The following GRB10 variants were observed in gnomAD, a reference collection of about 807,000 sequenced individuals.
GRB10 encodes the protein growth factor receptor-bound protein 10.
GRB10 carries 20 observed loss-of-function variants against 80.9 expected under a neutral mutation model. The observed-to-expected ratio is 0.25, with a 90% CI of 0.17 to 0.36. The LOEUF (loss-of-function observed/expected upper bound fraction) is 0.36, where lower values mean the gene tolerates loss of function less well. GRB10 is among the 10% of genes least tolerant of loss of function. The pLI is 1.00. For synonymous variants in GRB10, 291 were observed against 291.5 expected (o/e 1.00, Z 0.02); for missense variants, 548 against 747.7 (o/e 0.73, Z 3.12).
chr7:50,645,692 GTCC>G, intron 7 of GRB10: 1 of 870,706 alleles, frequency 1.1e-6, no homozygotes, highest in Non-Finnish European at 1.4e-6. Flanking sequence ...CTTGGGGTCT[GTCC>G]ATTTGCTCCC....
Position 50,664,431 on chromosome 7 carries a change from G to A in GRB10, c.504+5291C>T, listed in dbSNP as rs115284366. Reference sequence around the variant, plus strand: ...AGGGAGACAGTCACCAGGCCGTGGCGGGGGGCCAGCCCACCTGCCAGGGTC... The same window carrying A: ...AGGGAGACAGTCACCAGGCCGTGGCAGGGGGCCAGCCCACCTGCCAGGGTC... On this transcript the variant is annotated intron_variant, in intron 7 of 18. Transcript: ENST00000401949. Among the ~76,000 whole-genome samples, 25 of 152,270 alleles carry A rather than the reference G, an allele frequency of 1.6e-4. 1 individual carries two copies. Among genetic ancestry groups the A allele is most frequent in the African/African-American group, 4.6e-4 (19 of 41,566 alleles).
At chr7:50,637,669 T>G (rs1397494788) in intron 7 of GRB10, among the ~76,000 whole-genome samples, 1 of 151,650 alleles carries the variant, frequency 6.6e-6, no homozygotes, top group Non-Finnish European at 1.5e-5. Flanking sequence ...AAATTTCCAA[T>G]GTCATTCTTC....
intron 4 of GRB10, among the ~76,000 whole-genome samples, chr7:50,730,233 A>G (rs1287382089): frequency 6.6e-6 from 1 of 152,190 alleles, no homozygotes; most frequent in Non-Finnish European, 1.5e-5. Flanking sequence ...GGATGATTAA[A>G]TGCATACAGT....
At chr7:50,706,301 T>C (rs926886876) in intron 4 of GRB10, among the ~76,000 whole-genome samples, 8 of 152,220 alleles carry the variant, frequency 5.3e-5, no homozygotes, top group African/African-American at 1.9e-4. Context: ...ACTACTCTAG[T>C]AGACACTCTG....
At position 50,664,115 on chromosome 7, in the gene GRB10, C is replaced by T. The variant is rs184510438; in HGVS notation, c.504+5607G>A. Reference sequence around the variant, plus strand: ...CCCTCTTCCCTAGCGTGGACACCGACGCTCAGTCTTGCCTCGAGGAGCTAC... The same window carrying T: ...CCCTCTTCCCTAGCGTGGACACCGATGCTCAGTCTTGCCTCGAGGAGCTAC... On this transcript the variant is annotated intron_variant, in intron 7 of 18. Transcript: ENST00000401949. 1.8e-4 allele frequency among the ~76,000 whole-genome samples: 28 copies of T among 152,326 alleles called. 1 individual carries two copies. The highest frequency in any genetic ancestry group is 1.0e-3 in the South Asian group (5 of 4,816).
At chr7:50,654,272 C>A (rs978575345) in intron 7 of GRB10, among the ~76,000 whole-genome samples, 1 of 152,216 alleles carries the variant, frequency 6.6e-6, no homozygotes, top group African/African-American at 2.4e-5. Context: ...GAGTGTTTCC[C>A]ATGGCCAACA....
At chr7:50,634,087 T>A (rs2054502421) in intron 7 of GRB10, among the ~76,000 whole-genome samples, 1 of 152,284 alleles carries the variant, frequency 6.6e-6, no homozygotes, top group East Asian at 1.9e-4. Flanking sequence ...AGAATGGTCA[T>A]CAGATTAATT....
At chr7:50,674,120 C>T (rs569432051) in intron 6 of GRB10, among the ~76,000 whole-genome samples, 2 of 152,230 alleles carry the variant, frequency 1.3e-5, no homozygotes, top group African/African-American at 2.4e-5. Context: ...AGCTCCATGG[C>T]TGTTCTTCCA....
At chr7:50,612,882 G>T in intron 12 of GRB10, 43 bp from the exon 13 acceptor site, 1 of 1,307,416 alleles carries the variant, frequency 7.6e-7, no homozygotes, top group Non-Finnish European at 1.1e-6. Flanking sequence ...TACACAGGGA[G>T]TCAGAAACAG....
At chr7:50,764,258 T>C (rs772535110) in intron 2 of GRB10, among the ~76,000 whole-genome samples, 1 of 152,196 alleles carries the variant, frequency 6.6e-6, no homozygotes, top group African/African-American at 2.4e-5. Context: ...CCTCTCCACA[T>C]GGGTCTATAG....
intron 12 of GRB10, among the ~76,000 whole-genome samples, chr7:50,614,030 A>C (rs2050065167): frequency 6.6e-6 from 1 of 152,206 alleles, no homozygotes; most frequent in African/African-American, 2.4e-5. Context: ...CTGTCAGTGG[A>C]ACATATCATG....
At chr7:50,648,343 C>A (rs184331234) in intron 7 of GRB10, among the ~76,000 whole-genome samples, 14 of 152,162 alleles carry the variant, frequency 9.2e-5, no homozygotes, top group East Asian at 7.8e-4. Context: ...GTGGATGCCA[C>A]CCTGATGGGA....
At chr7:50,660,703 C>T (rs1434139705) in intron 7 of GRB10, among the ~76,000 whole-genome samples, 1 of 152,122 alleles carries the variant, frequency 6.6e-6, no homozygotes, top group Non-Finnish European at 1.5e-5. Context: ...GTTAGAGATG[C>T]AGGTGTGAGG....
chr7:50,725,427 C>T (rs1386413518), intron 4 of GRB10, among the ~76,000 whole-genome samples: 1 of 152,168 alleles, frequency 6.6e-6, no homozygotes, highest in Non-Finnish European at 1.5e-5. Context: ...ATTACCCAGT[C>T]CCAGGCAGTT....
In GRB10 at chr7:50,592,738, C is replaced by T. The variant is rs116583986; in HGVS notation, c.*214G>A. On this transcript the variant is annotated 3_prime_UTR_variant, in exon 19 of 19. Transcript: ENST00000401949. ...TCTTCCATGCCCTCCCCAATTTGGC[C>T]GATGCAGAGGGAGGCGACCCTGCTG... is the stretch of plus-strand genomic sequence containing the variant. 4.1e-3 allele frequency: 2,426 copies of T among 590,538 alleles called. 29 individuals carry two copies. Among genetic ancestry groups the T allele is most frequent in the African/African-American group, 0.023 (1,219 of 53,920 alleles). 36.6% of individuals were successfully genotyped at this position (590,538 alleles called of 1,614,324 possible).
intron 4 of GRB10, among the ~76,000 whole-genome samples, chr7:50,718,473 G>A (rs2067218985): frequency 6.6e-6 from 1 of 151,920 alleles, no homozygotes; most frequent in South Asian, 2.1e-4. Flanking sequence ...CCACTGCGGC[G>A]CCCTCGGCTC....
chr7:50,711,011 C>T, intron 4 of GRB10: 1 of 938,314 alleles, frequency 1.1e-6, no homozygotes, highest in Non-Finnish European at 1.8e-6. Flanking sequence ...GCACAGAAGG[C>T]ACACTTAATA....
chr7:50,791,446 A>G (rs1203624892), intron 1 of GRB10, among the ~76,000 whole-genome samples: 2 of 152,210 alleles, frequency 1.3e-5, no homozygotes, highest in Non-Finnish European at 2.9e-5. Context: ...ATAAAACACA[A>G]GACTAAAATG....
intron 7 of GRB10, among the ~76,000 whole-genome samples, chr7:50,666,023 T>G (rs1224257832): frequency 6.6e-6 from 1 of 152,142 alleles, no homozygotes; most frequent in East Asian, 1.9e-4. Context: ...CAGGGTGCAG[T>G]CATCGTGGAA....
Sources: gnomAD v4.1 joint callset for allele counts (sites outside exome capture counted in the v4.1 genomes callset) on GRCh38, gnomAD v4.1.1 for gene constraint, MANE v1.5 for transcripts, NCBI Gene and HGNC (gene_info 2026-07-23, HGNC 2026-07-21) for gene names.